The following IGF2R variants were observed in gnomAD, a reference collection of about 807,000 sequenced individuals.
IGF2R encodes the protein insulin like growth factor 2 receptor.
A neutral mutation model predicts 270.6 loss-of-function variants in IGF2R; 91 were observed. The observed-to-expected ratio is 0.34, with a 90% CI of 0.28 to 0.40. IGF2R has a LOEUF of 0.40. Among genes scored for constraint, IGF2R ranks in the 10% least tolerant of loss-of-function variants. The pLI is 1.00. For missense variants in IGF2R, 2,805 were observed against 3,188.3 expected, an observed-to-expected ratio of 0.88 and a Z score of 2.90; for synonymous variants, 1,316 against 1,258.9, an observed-to-expected ratio of 1.05 and a Z score of -0.96.
chr6:160,023,049 A>T (rs1385662837), intron 4 of IGF2R, among the ~76,000 whole-genome samples: 2 of 152,000 alleles, frequency 1.3e-5, no homozygotes, highest in East Asian at 3.9e-4. Flanking sequence ...TTGAACAGGG[A>T]GAGGTGTGGC....
chr6:160,058,088 A>G lies in IGF2R; in HGVS notation c.2862A>G (p.Gln954=), dbSNP rs1211536966. ...VFNLNPLNSS[Q]GYNVSGIGKI... ...ATCTTAATCCGCTAAACAGTTCGCA[A>G]GGATATAACGTCTCTGGCATTGGGA... The change falls in exon 21 of 48, where the codon CAA becomes CAG. Residue 954 remains glutamine (Q), a synonymous_variant. Transcript: ENST00000356956. 1.9e-6 allele frequency: 3 copies of G among 1,613,290 alleles called. No individual in the cohort carries two copies. Among genetic ancestry groups the G allele is most frequent in the Non-Finnish European group, 2.5e-6 (3 of 1,179,312 alleles).
intron 41 of IGF2R, among the ~76,000 whole-genome samples, chr6:160,086,374 C>T (rs1779097326): frequency 6.6e-6 from 1 of 152,210 alleles, no homozygotes; most frequent in Non-Finnish European, 1.5e-5. Context: ...CATCTAAGGA[C>T]AACCACGGTG....
chr6:160,064,987 A>G (rs1042237911), intron 29 of IGF2R, 86 bp downstream of exon 29: 4 of 857,940 alleles, frequency 4.7e-6, no homozygotes, highest in East Asian at 4.9e-5. Flanking sequence ...GGTGCAGGGG[A>G]TTAGATTAGT....
intron 17 of IGF2R, among the ~76,000 whole-genome samples, chr6:160,048,164 CG>C (rs945478438): frequency 6.6e-6 from 1 of 152,164 alleles, no homozygotes; most frequent in Non-Finnish European, 1.5e-5. Context: ...TGCAGAGGCA[CG>C]GGGGACAGTT....
chr6:160,032,988 T>C lies in IGF2R; in HGVS notation c.1092T>C (p.Asn364=). The change falls in exon 9 of 48, where the codon AAT becomes AAC. Residue 364 remains asparagine (N), a synonymous_variant. Coordinates refer to ENST00000356956, the MANE Select transcript of IGF2R (RefSeq NM_000876.4). ...GAAAAGAATATTTGTTTTATTTGAATGTCTGTGGAGAAACTGAAATACAGT... is the reference window on the plus strand; with the variant it reads ...GAAAAGAATATTTGTTTTATTTGAACGTCTGTGGAGAAACTGAAATACAGT... ...SDGKEYLFYL[N]VCGETEIQFC... The C allele has an allele frequency of 1.9e-6, 3 of 1,603,848 alleles. No individual in the cohort carries two copies. Among genetic ancestry groups the C allele is most frequent in the Non-Finnish European group, 2.6e-6 (3 of 1,170,866 alleles).
chr6:160,094,084 C>T, intron 44 of IGF2R: 1 of 506,190 alleles, frequency 2.0e-6, no homozygotes, highest in Non-Finnish European at 3.8e-6. Flanking sequence ...ACCTCCACCC[C>T]ATCATTCCCC....
At chr6:160,038,840 A>G (rs927658742) in intron 10 of IGF2R, among the ~76,000 whole-genome samples, 1 of 152,282 alleles carries the variant, frequency 6.6e-6, no homozygotes, top group African/African-American at 2.4e-5. Flanking sequence ...AGAAAACCAA[A>G]GAAAAAAAGA....
intron 32 of IGF2R, 118 bp from the exon 33 acceptor site, chr6:160,072,647 T>A: frequency 9.5e-7 from 1 of 1,047,740 alleles, no homozygotes; most frequent in Non-Finnish European, 1.5e-6. Context: ...ACAGGGGTCG[T>A]GGTGAGAAGT....
At position 159,981,800 on chromosome 6, in the gene IGF2R, C is replaced by T. The variant is rs8191697; in HGVS notation, c.150-9384C>T. Among the ~76,000 whole-genome samples, 1,327 of 152,302 alleles carry T rather than the reference C, an allele frequency of 8.7e-3. 54 individuals are homozygous for T. In the East Asian group the frequency reaches 0.1, roughly 11 times the overall value. ...TCTGTTACGCAGTCCCCATTGCCTG[C>T]CCTGGTTCCCTGGGCTCTGACATCA... On this transcript the variant is annotated intron_variant, in intron 1 of 47. Transcript: ENST00000356956.
intron 4 of IGF2R, among the ~76,000 whole-genome samples, chr6:160,011,710 G>T (rs1266495435): frequency 6.6e-6 from 1 of 152,040 alleles, no homozygotes; most frequent in Non-Finnish European, 1.5e-5. Flanking sequence ...CCCCAGCCTG[G>T]ATTCCCTCAT....
chr6:159,984,323 T>A (rs776786055), intron 1 of IGF2R, among the ~76,000 whole-genome samples: 2 of 152,194 alleles, frequency 1.3e-5, no homozygotes, highest in Non-Finnish European at 1.5e-5. Context: ...CGTAGCACAA[T>A]GCATTAGTCA....
chr6:159,980,883 A>G (rs1262568997), intron 1 of IGF2R, among the ~76,000 whole-genome samples: 1 of 152,204 alleles, frequency 6.6e-6, no homozygotes, highest in Non-Finnish European at 1.5e-5. Context: ...TAGCCCATCT[A>G]CAACTCTTCT....
Position 160,084,191 on chromosome 6 carries a change from G to A in IGF2R, c.6068+7G>A, listed in dbSNP as rs777888257. 4 of 1,559,746 alleles carry A rather than the reference G, an allele frequency of 2.6e-6. No individual in the cohort carries two copies. In the East Asian group the frequency reaches 9.0e-5, roughly 35 times the overall value. On this transcript the variant is annotated splice_region_variant and intron_variant, in intron 40 of 47. Transcript: ENST00000356956. The surrounding 1 kb of genome is among the most constrained non-coding windows in gnomAD (Gnocchi z 4.6). ...TCGTCCACAACGGAGTCTCGTGAGTGCCTTCCCAGTCCACCCGCGGCGCCA... is the reference window on the plus strand; with the variant it reads ...TCGTCCACAACGGAGTCTCGTGAGTACCTTCCCAGTCCACCCGCGGCGCCA...
chr6:160,044,341 A>G lies in IGF2R; in HGVS notation c.1622-173A>G, dbSNP rs189902151. On this transcript the variant is annotated intron_variant, in intron 12 of 47. Transcript: ENST00000356956. Reference sequence around the variant, plus strand: ...TAGCCAAACGTGGCACTCTAGGGAAACCCATCCGCTGCCTTGGTGGGTTCA... The same window carrying G: ...TAGCCAAACGTGGCACTCTAGGGAAGCCCATCCGCTGCCTTGGTGGGTTCA... Among the ~76,000 whole-genome samples, 11 of 152,138 alleles carry G rather than the reference A, an allele frequency of 7.2e-5. No homozygotes were observed. In the East Asian group the frequency reaches 1.7e-3, roughly 24 times the overall value.
At chr6:160,047,525 G>T (rs1166964175) in intron 16 of IGF2R, among the ~76,000 whole-genome samples, 189 bp downstream of exon 16, 1 of 152,064 alleles carries the variant, frequency 6.6e-6, no homozygotes, top group Non-Finnish European at 1.5e-5. Flanking sequence ...CTTAATAACA[G>T]CCCACAAGCC....
chr6:160,063,289 A>G (rs8191852), intron 26 of IGF2R, 126 bp from the exon 27 acceptor site: 306,674 of 710,980 alleles, frequency 0.43, 69,269 homozygotes, highest in East Asian at 0.68. Flanking sequence ...CACCCGCCTC[A>G]GCCTCCCAAA....
At chr6:159,971,032 C>T (rs1376624009) in intron 1 of IGF2R, among the ~76,000 whole-genome samples, 5 of 152,170 alleles carry the variant, frequency 3.3e-5, no homozygotes, top group African/African-American at 4.8e-5. Flanking sequence ...GAGTTGTGAT[C>T]GAGTCGAGTT....
intron 18 of IGF2R, among the ~76,000 whole-genome samples, chr6:160,049,353 G>A (rs765249760): frequency 2.0e-5 from 3 of 152,220 alleles, no homozygotes; most frequent in Non-Finnish European, 4.4e-5. Context: ...CTCAGTCATT[G>A]TTGGAACGAG....
At chr6:159,980,159 C>T (rs1783759421) in intron 1 of IGF2R, among the ~76,000 whole-genome samples, 1 of 134,578 alleles carries the variant, frequency 7.4e-6, no homozygotes, top group African/African-American at 2.9e-5. Context: ...CCAGCCTGGG[C>T]AACACAGTGA....
Sources: gnomAD v4.1 joint callset for allele counts (sites outside exome capture counted in the v4.1 genomes callset) on GRCh38, gnomAD v4.1.1 for gene constraint, Gnocchi (gnomAD v3.1) non-coding constraint, MANE v1.5 for transcripts, NCBI Gene and HGNC (gene_info 2026-07-23, HGNC 2026-07-21) for gene names.